The following ELOVL7 variants were observed in gnomAD, a reference collection of about 807,000 sequenced individuals.
ELOVL7 encodes very long chain fatty acid elongase 7.
ELOVL7 carries 27 observed loss-of-function variants against 35.7 expected under a neutral mutation model. The observed-to-expected ratio is 0.76, with a 90% CI of 0.56 to 1.04. The LOEUF is 1.04. ELOVL7 is among the 50% of genes least tolerant of loss of function. The pLI is 0.00. For missense variants in ELOVL7, 327 were observed against 340.8 expected, an observed-to-expected ratio of 0.96 and a Z score of 0.32; for synonymous variants, 113 against 114.6, an observed-to-expected ratio of 0.99 and a Z score of 0.09.
intron 2 of ELOVL7, among the ~76,000 whole-genome samples, chr5:60,795,517 C>A (rs1744198984): frequency 6.6e-6 from 1 of 152,196 alleles, no homozygotes; most frequent in South Asian, 2.1e-4. Flanking sequence ...TGGGTACCCT[C>A]CCATTGTATG....
At chr5:60,813,625 CTTTG>C (rs1184288942) in intron 1 of ELOVL7, among the ~76,000 whole-genome samples, 1 of 151,962 alleles carries the variant, frequency 6.6e-6, no homozygotes, top group Non-Finnish European at 1.5e-5. Context: ...GTCATCAACT[CTTTG>C]TTTTTGTTTA....
intron 2 of ELOVL7, among the ~76,000 whole-genome samples, chr5:60,792,087 G>A (rs1485120247): frequency 1.3e-5 from 2 of 152,140 alleles, no homozygotes; most frequent in Admixed American, 1.3e-4. Context: ...AAGGAAGGAG[G>A]AAAGGCAGAG....
chr5:60,758,216 G>A (rs1741664816), intron 7 of ELOVL7, among the ~76,000 whole-genome samples: 1 of 152,080 alleles, frequency 6.6e-6, no homozygotes, highest in African/African-American at 2.4e-5. Context: ...AATTACACAG[G>A]ATGTACTCTT....
At chr5:60,802,081 T>A (rs1744659215) in intron 1 of ELOVL7, among the ~76,000 whole-genome samples, 1 of 49,860 alleles carries the variant, frequency 2.0e-5, no homozygotes, top group Non-Finnish European at 5.9e-5. Context: ...TATATATATA[T>A]ATATATATAT....
intron 1 of ELOVL7, among the ~76,000 whole-genome samples, chr5:60,811,711 T>A (rs1267072222): frequency 2.0e-5 from 3 of 152,176 alleles, no homozygotes; most frequent in African/African-American, 7.2e-5. Context: ...TGATGCCCTG[T>A]ACCACCTCAG....
chr5:60,777,861 G>C (rs1742999769), intron 3 of ELOVL7, among the ~76,000 whole-genome samples: 2 of 152,134 alleles, frequency 1.3e-5, no homozygotes, highest in Non-Finnish European at 2.9e-5. Flanking sequence ...GCAGAAAGGG[G>C]AAATAAAATG....
At position 60,761,343 on chromosome 5, in the gene ELOVL7, C is replaced by T. The variant is rs79089547; in HGVS notation, c.499+2884G>A. On this transcript the variant is annotated intron_variant, in intron 7 of 8. Coordinates refer to ENST00000508821, the MANE Select transcript of ELOVL7 (RefSeq NM_024930.3). The stretch of plus-strand genomic sequence containing the variant: ...AAGAATAGCTGGATTGCTATTACCC[C>T]ATTGAGGAGTACAACAGAAAAATAG... Among the ~76,000 whole-genome samples, 213 of 152,174 alleles carry T rather than the reference C, an allele frequency of 1.4e-3. 3 individuals are homozygous for T. Among genetic ancestry groups the T allele is most frequent in the Admixed American group, 0.01 (156 of 15,280 alleles).
intron 8 of ELOVL7, 58 bp downstream of exon 8, chr5:60,757,451 T>C (rs547839291): frequency 7.6e-5 from 118 of 1,547,638 alleles, no homozygotes; most frequent in Admixed American, 6.0e-4. Flanking sequence ...TAATTCACAG[T>C]GAAAACAAGT....
chr5:60,840,628 A>G (rs925724794), intron 1 of ELOVL7, among the ~76,000 whole-genome samples: 2 of 152,204 alleles, frequency 1.3e-5, no homozygotes, highest in Non-Finnish European at 1.5e-5. Flanking sequence ...AATACTGTTC[A>G]TGTTTAATTG....
intron 1 of ELOVL7, among the ~76,000 whole-genome samples, chr5:60,812,738 T>G (rs1195860510): frequency 6.6e-6 from 1 of 152,178 alleles, no homozygotes; most frequent in Non-Finnish European, 1.5e-5. Context: ...ATCCTAAGTT[T>G]TTGTCTACTC....
At chr5:60,787,211 A>G in intron 3 of ELOVL7, 123 bp downstream of exon 3, 2 of 723,166 alleles carry the variant, frequency 2.8e-6, no homozygotes, top group Non-Finnish European at 4.6e-6. Flanking sequence ...CTCTTCGTTA[A>G]CTAGTAATAA....
At chr5:60,826,720 A>C (rs561573213) in intron 1 of ELOVL7, among the ~76,000 whole-genome samples, 1 of 152,328 alleles carries the variant, frequency 6.6e-6, no homozygotes, top group South Asian at 2.1e-4. Flanking sequence ...AAAAACAACA[A>C]CATTGGAATG....
At position 60,771,936 on chromosome 5, in the gene ELOVL7, G is replaced by C. The variant is rs765220489; in HGVS notation, c.222C>G (p.Phe74Leu). ...ACATATACACAGAAAAGAGTACTATGAAAAAATTGTACGTTATCATTGCTT... is the reference window on the plus strand; with the variant it reads ...ACATATACACAGAAAAGAGTACTATCAAAAAATTGTACGTTATCATTGCTT... The part of the protein sequence containing the change: ...LKKAMITYNF[F>L]IVLFSVYMCY... Residue 74 changes from phenylalanine (F) to leucine (L), a missense_variant, in exon 4 of 9, where the codon TTC becomes TTG. Coordinates refer to ENST00000508821, the MANE Select transcript of ELOVL7 (RefSeq NM_024930.3). The C allele has an allele frequency of 1.2e-6, 2 of 1,613,424 alleles. No homozygotes were observed.
At chr5:60,778,909 G>A (rs1468225453) in intron 3 of ELOVL7, among the ~76,000 whole-genome samples, 1 of 152,192 alleles carries the variant, frequency 6.6e-6, no homozygotes, top group Non-Finnish European at 1.5e-5. Flanking sequence ...CAGATACAAT[G>A]GGGATACAGG....
intron 1 of ELOVL7, among the ~76,000 whole-genome samples, chr5:60,836,143 A>G (rs1260365350): frequency 1.8e-5 from 1 of 55,334 alleles, no homozygotes; most frequent in African/African-American, 4.3e-5. Context: ...ATGTTCAACC[A>G]TATATATATA....
intron 3 of ELOVL7, among the ~76,000 whole-genome samples, chr5:60,783,373 T>C (rs551322410): frequency 6.6e-6 from 1 of 152,298 alleles, no homozygotes. Context: ...GCAAATAAAA[T>C]ACAAAATCAT....
chr5:60,836,216 T>C (rs1401944035), intron 1 of ELOVL7, among the ~76,000 whole-genome samples: 1 of 152,074 alleles, frequency 6.6e-6, no homozygotes, highest in Admixed American at 6.5e-5. Context: ...ACTACCATTT[T>C]TTTCCTTTAG....
chr5:60,775,683 A>G (rs958235245), intron 3 of ELOVL7, among the ~76,000 whole-genome samples: 5 of 152,180 alleles, frequency 3.3e-5, no homozygotes, highest in Non-Finnish European at 7.4e-5. Context: ...AGCATACCTA[A>G]AACCAACTGA....
chr5:60,839,018 T>A (rs1746996671), intron 1 of ELOVL7, among the ~76,000 whole-genome samples: 1 of 81,238 alleles, frequency 1.2e-5, no homozygotes, highest in Non-Finnish European at 2.6e-5. Flanking sequence ...AACAAAACAG[T>A]GTCAAAAAAA....
Sources: gnomAD v4.1 joint callset for allele counts (sites outside exome capture counted in the v4.1 genomes callset) on GRCh38, gnomAD v4.1.1 for gene constraint, MANE v1.5 for transcripts, NCBI Gene and HGNC (gene_info 2026-07-23, HGNC 2026-07-21) for gene names.